The following OR6N1 variants were observed in gnomAD, a reference collection of about 807,000 sequenced individuals.
OR6N1 encodes olfactory receptor 6N1.
For missense variants in OR6N1, 394 were observed against 371.7 expected (o/e 1.06, Z -0.49); for synonymous variants, 170 against 150.7 (o/e 1.13, Z -0.94).
chr1:158,792,313 A>G, the OR6N1 span, among the ~76,000 whole-genome samples: 1 of 152,186 alleles, frequency 6.6e-6, no homozygotes, highest in Non-Finnish European at 1.5e-5. Context: ...CTCCTAAAGA[A>G]AGCAGATATG....
the OR6N1 span, chr1:158,808,941 G>C: frequency 6.5e-6 from 1 of 152,998 alleles, no homozygotes; most frequent in Non-Finnish European, 1.5e-5. Flanking sequence ...ATGAGTGCGT[G>C]GTAGTGGAGT....
chr1:158,796,496 C>T, the OR6N1 span, among the ~76,000 whole-genome samples: 30 of 152,132 alleles, frequency 2.0e-4, no homozygotes, highest in African/African-American at 5.8e-4. Context: ...TGATCCATTC[C>T]GCTGTTGAGA....
At chr1:158,782,809 T>C in the OR6N1 span, among the ~76,000 whole-genome samples, 64 of 134,388 alleles carry the variant, frequency 4.8e-4, no homozygotes, top group African/African-American at 1.7e-3. Flanking sequence ...TATTAAGTGG[T>C]ATTTTTTTTC....
chr1:158,777,218 G>A, the OR6N1 span: 1 of 1,614,120 alleles, frequency 6.2e-7, no homozygotes, highest in South Asian at 1.1e-5. Flanking sequence ...TTGGCACAGA[G>A]TGTGGTGGTC....
At position 158,766,356 on chromosome 1, in the gene OR6N1, C is replaced by T. The variant is rs200953910; in HGVS notation, c.327G>A (p.Ala109=). Residue 109 remains alanine, a synonymous_variant, in exon 2 of 2, where the codon GCG becomes GCA. Coordinates refer to ENST00000641846, the MANE Select transcript of OR6N1 (RefSeq NM_001005185.2). ...TAGCTGTCAGGAGATAGCACTCAGT[C>T]GCTCCAAGGGAGTGAAAGAAATAGA... is the stretch of plus-strand genomic sequence containing the variant. The part of the protein sequence containing the change: ...LQIYFFHSLG[A]TECYLLTAMA... The T allele has an allele frequency of 1.2e-4, 194 of 1,613,992 alleles. No homozygotes were observed. The East Asian group carries it at 1.2e-3, about 10-fold the overall frequency.
intron 1 of OR6N1, among the ~76,000 whole-genome samples, chr1:158,770,036 A>C (rs1323811484): frequency 6.6e-6 from 1 of 152,112 alleles, no homozygotes; most frequent in African/African-American, 2.4e-5. Flanking sequence ...ATATAAATAA[A>C]AGGTTCTATT....
chr1:158,825,515 GA>G, the OR6N1 span, among the ~76,000 whole-genome samples: 87 of 150,152 alleles, frequency 5.8e-4, 1 homozygote, highest in Middle Eastern at 6.9e-3. Flanking sequence ...ACAAGCATAT[GA>G]AAAAAAAATT....
the OR6N1 span, among the ~76,000 whole-genome samples, chr1:158,793,221 G>C: frequency 6.8e-6 from 1 of 147,134 alleles, no homozygotes; most frequent in South Asian, 2.2e-4. Flanking sequence ...TTTTTCTTTT[G>C]TATCTCCTTG....
the OR6N1 span, among the ~76,000 whole-genome samples, chr1:158,835,765 G>A: frequency 5.3e-5 from 8 of 151,956 alleles, no homozygotes; most frequent in East Asian, 9.7e-4. Context: ...TGGTGTTTTC[G>A]TATGTAGACT....
chr1:158,790,113 T>A, the OR6N1 span, among the ~76,000 whole-genome samples: 1 of 152,226 alleles, frequency 6.6e-6, no homozygotes, highest in Admixed American at 6.5e-5. Flanking sequence ...TCAATGTATG[T>A]TCGTGGTGTA....
At chr1:158,792,375 G>C in the OR6N1 span, among the ~76,000 whole-genome samples, 1 of 152,098 alleles carries the variant, frequency 6.6e-6, no homozygotes, top group African/African-American at 2.4e-5. Context: ...TTTAAGTGGA[G>C]CAATTAGATC....
the OR6N1 span, among the ~76,000 whole-genome samples, chr1:158,783,902 C>T: frequency 6.6e-6 from 1 of 152,172 alleles, no homozygotes; most frequent in South Asian, 2.1e-4. Context: ...GTCAGGAGAT[C>T]GAGACCATCC....
the OR6N1 span, among the ~76,000 whole-genome samples, chr1:158,817,011 C>T: frequency 1.8e-4 from 27 of 152,244 alleles, no homozygotes; most frequent in African/African-American, 6.5e-4. Flanking sequence ...AGAGCAAGTT[C>T]AGTAACATTT....
chr1:158,798,614 G>C, the OR6N1 span, among the ~76,000 whole-genome samples: 1 of 151,922 alleles, frequency 6.6e-6, no homozygotes, highest in African/African-American at 2.4e-5. Context: ...TCTATTAACT[G>C]TATTGACACT....
chr1:158,809,088 T>G, the OR6N1 span: 1 of 152,854 alleles, frequency 6.5e-6, no homozygotes, highest in Admixed American at 6.5e-5. Context: ...GAGCAAGGTG[T>G]GCAGCAGCAT....
At chr1:158,815,759 G>A in the OR6N1 span, among the ~76,000 whole-genome samples, 14 of 152,238 alleles carry the variant, frequency 9.2e-5, no homozygotes, top group African/African-American at 3.1e-4. Context: ...AACCCTCACA[G>A]GTATTCTCTG....
At chr1:158,790,739 T>G in the OR6N1 span, among the ~76,000 whole-genome samples, 1 of 152,312 alleles carries the variant, frequency 6.6e-6, no homozygotes, top group South Asian at 2.1e-4. Flanking sequence ...CAGATTGCTT[T>G]AGATAGCTTT....
At chr1:158,819,138 C>A in the OR6N1 span, among the ~76,000 whole-genome samples, 1 of 152,188 alleles carries the variant, frequency 6.6e-6, no homozygotes, top group Non-Finnish European at 1.5e-5. Flanking sequence ...GAGACCACCC[C>A]CTCCATGAGT....
chr1:158,796,447 A>C, the OR6N1 span, among the ~76,000 whole-genome samples: 1 of 152,004 alleles, frequency 6.6e-6, no homozygotes, highest in African/African-American at 2.4e-5. Context: ...TGTATTTTCC[A>C]ACACCCTGTC....
Sources: allele counts gnomAD v4.1 joint callset (sites outside exome capture counted in the v4.1 genomes callset), GRCh38; gene constraint gnomAD v4.1.1; transcripts MANE v1.5; gene names NCBI Gene and HGNC (gene_info 2026-07-23, HGNC 2026-07-21).